DENND10: variants seen among roughly 807,000 people sequenced by gnomAD.
The protein encoded by DENND10 is DENN domain containing 10, also known as DENN domain-containing protein 10.
A neutral mutation model predicts 43.6 loss-of-function variants in DENND10; 24 were observed. The ratio of observed to expected loss-of-function variants is 0.55; its 90% CI spans 0.40 to 0.77. The LOEUF (loss-of-function observed/expected upper bound fraction) is 0.77, where lower values mean the gene tolerates loss of function less well. Ranked by LOEUF, DENND10 falls within the 30% of genes least tolerant of loss-of-function variation. DENND10 has a pLI of 0.00. For missense variants in DENND10, 303 were observed against 429.9 expected (o/e 0.70, Z 2.61); for synonymous variants, 125 against 157.6 (o/e 0.79, Z 1.55).
intron 6 of DENND10, among the ~76,000 whole-genome samples, chr10:119,128,839 A>T (rs528409411): frequency 5.9e-5 from 9 of 152,016 alleles, no homozygotes; most frequent in African/African-American, 1.9e-4. Context: ...TTTTGTGAGA[A>T]CTCAATCACG....
intron 3 of DENND10, among the ~76,000 whole-genome samples, chr10:119,116,183 A>G (rs1564786338): frequency 6.6e-6 from 1 of 152,318 alleles, no homozygotes; most frequent in Admixed American, 6.5e-5. Context: ...TTAGTTGCTC[A>G]CAGGAAGAGA....
chr10:119,134,009 T>G (rs1242201160), intron 8 of DENND10: 1 of 152,158 alleles, frequency 6.6e-6, no homozygotes, highest in Non-Finnish European at 1.5e-5. Context: ...ATGAATGAAT[T>G]AATGATGTCA....
At chr10:119,117,955 G>C (rs1845379379) in intron 4 of DENND10, among the ~76,000 whole-genome samples, 1 of 151,072 alleles carries the variant, frequency 6.6e-6, no homozygotes, top group Non-Finnish European at 1.5e-5. Context: ...CAACAGACGA[G>C]ACTCCGTCTC....
chr10:119,129,291 G>A (rs538446874), intron 6 of DENND10, among the ~76,000 whole-genome samples: 2 of 152,348 alleles, frequency 1.3e-5, no homozygotes, highest in African/African-American at 4.8e-5. Context: ...CTTCAGTCTT[G>A]TCCTTGACAC....
intron 3 of DENND10, chr10:119,114,571 G>C (rs1303290290): frequency 6.6e-6 from 1 of 152,238 alleles, no homozygotes; most frequent in African/African-American, 2.4e-5. Context: ...AGCTGTACAG[G>C]CCTCGATGTG....
chr10:119,136,694 C>G lies in DENND10; in HGVS notation c.*47C>G. The G allele has an allele frequency of 4.3e-6, 4 of 937,518 alleles. No homozygotes were observed. In the East Asian group the frequency reaches 1.1e-4, roughly 25 times the overall value. 58.1% of individuals were successfully genotyped at this position (937,518 alleles called of 1,614,324 possible). On this transcript the variant is annotated 3_prime_UTR_variant, in exon 9 of 9. Coordinates refer to ENST00000361432, the MANE Select transcript of DENND10 (RefSeq NM_207009.4). The stretch of plus-strand genomic sequence containing the variant: ...TGATGACTGATAGAAAGCCCTCTTT[C>G]ACTCTGATTACCCACTCACTACATG...
intron 5 of DENND10, among the ~76,000 whole-genome samples, chr10:119,120,715 G>A (rs1845530101): frequency 6.6e-6 from 1 of 152,176 alleles, no homozygotes; most frequent in Non-Finnish European, 1.5e-5. Context: ...TATGGTCACT[G>A]CCCCAACTAC....
chr10:119,120,516 T>C, intron 5 of DENND10, 64 bp downstream of exon 5: 1 of 991,972 alleles, frequency 1.0e-6, no homozygotes, highest in Non-Finnish European at 1.6e-6. Context: ...CACTAGATGT[T>C]ACTGTGTGCT....
chr10:119,136,328 TG>T, intron 8 of DENND10, 142 bp from the exon 9 acceptor site: 1 of 920,698 alleles, frequency 1.1e-6, no homozygotes, highest in Non-Finnish European at 1.6e-6. Flanking sequence ...CCCAAAGTGC[TG>T]GGATTACAGG....
chr10:119,113,398 A>C (rs981475465), intron 3 of DENND10, among the ~76,000 whole-genome samples: 2 of 151,260 alleles, frequency 1.3e-5, no homozygotes, highest in African/African-American at 4.9e-5. Flanking sequence ...TGGTCTTACT[A>C]TGTTGCCCAG....
chr10:119,129,756 C>A, intron 7 of DENND10, 134 bp downstream of exon 7: 1 of 653,216 alleles, frequency 1.5e-6, no homozygotes, highest in Non-Finnish European at 2.8e-6. Context: ...GTGTCTAGAA[C>A]ACAACATTTA....
chr10:119,123,458 T>A lies in DENND10; in HGVS notation c.594-11T>A. 1 of 1,610,242 alleles carries A rather than the reference T, an allele frequency of 6.2e-7. No individual in the cohort carries two copies. The highest frequency in any genetic ancestry group is 8.5e-7 in the Non-Finnish European group (1 of 1,176,634). On this transcript the variant is annotated splice_polypyrimidine_tract_variant and intron_variant, in intron 5 of 8. Transcript: ENST00000361432. ...CCAGCAACAACTTGAGTTCTTGCCTTGATTCCCCAGGACTCTGCCTGCCCT... is the reference window on the plus strand; with the variant it reads ...CCAGCAACAACTTGAGTTCTTGCCTAGATTCCCCAGGACTCTGCCTGCCCT...
chr10:119,104,867 G>C (rs899885738), intron 1 of DENND10: 1 of 152,416 alleles, frequency 6.6e-6, no homozygotes, highest in Non-Finnish European at 1.5e-5. Flanking sequence ...ACCATAGGCC[G>C]TACAGAGCCG....
intron 1 of DENND10, among the ~76,000 whole-genome samples, chr10:119,104,428 C>T (rs1367057676): frequency 6.6e-6 from 1 of 151,350 alleles, no homozygotes; most frequent in Non-Finnish European, 1.5e-5. Flanking sequence ...GGGGCCTGCC[C>T]GGCCCGAGGG....
intron 6 of DENND10, among the ~76,000 whole-genome samples, chr10:119,123,949 TG>T (rs909374335): frequency 2.0e-5 from 3 of 151,656 alleles, no homozygotes; most frequent in African/African-American, 7.3e-5. Context: ...TCCAGCACTT[TG>T]GGAGGCCAAG....
At chr10:119,135,203 C>T (rs1390264007) in intron 8 of DENND10, 2 of 150,092 alleles carry the variant, frequency 1.3e-5, no homozygotes, top group East Asian at 1.9e-4. Flanking sequence ...AGAAAAGAAA[C>T]GATACTGTAA....
Position 119,132,392 on chromosome 10 carries a change from CAT to C in DENND10, c.803-122_803-121del. On this transcript the variant is annotated intron_variant, in intron 7 of 8. Transcript: ENST00000361432. This position sits in a 1 kb window ranked among gnomAD's most constrained non-coding sequence, Gnocchi z 4.2. The stretch of plus-strand genomic sequence containing the variant: ...TATTTGTGTCTAGTGATAAAATGGA[CAT>C]GTGGGAGGTTATCAGCTGCTTTTTG... 1 of 736,644 alleles carries C rather than the reference CAT, an allele frequency of 1.4e-6. No homozygotes were observed. The highest frequency in any genetic ancestry group is 2.5e-6 in the Non-Finnish European group (1 of 405,924). The allele number at this position is 736,644 out of a possible 1,614,324, so 45.6% of individuals were successfully genotyped here. A position where few individuals can be genotyped will look rare whatever the true frequency, so the allele number is the denominator to read the frequency against.
At position 119,137,419 on chromosome 10, in the gene DENND10, G is replaced by T. The variant is rs1846408896; in HGVS notation, c.*772G>T. On this transcript the variant is annotated 3_prime_UTR_variant, in exon 9 of 9. Transcript: ENST00000361432. ...GCCCATTGAATATAAAAGTGTGTAG[G>T]ACTGAAACAGTGACCTTATATTATT... is the stretch of plus-strand genomic sequence containing the variant. 1 of 164,526 alleles carries T rather than the reference G, an allele frequency of 6.1e-6. No individual in the cohort carries two copies. Among genetic ancestry groups the T allele is most frequent in the African/African-American group, 2.5e-5 (1 of 40,408 alleles). The allele number at this position is 164,526 out of a possible 1,614,324, so 10.2% of individuals were successfully genotyped here.
chr10:119,117,800 C>T, intron 4 of DENND10, 133 bp downstream of exon 4: 3 of 828,506 alleles, frequency 3.6e-6, no homozygotes, highest in Non-Finnish European at 5.4e-6. Context: ...ACCTCGTCTC[C>T]ACTAAAAATA....
Sources: gnomAD v4.1 joint callset for allele counts (sites outside exome capture counted in the v4.1 genomes callset) on GRCh38, gnomAD v4.1.1 for gene constraint, Gnocchi (gnomAD v3.1) non-coding constraint, MANE v1.5 for transcripts, NCBI Gene and HGNC (gene_info 2026-07-23, HGNC 2026-07-21) for gene names.